Variants in IGFL2 observed in about 807,000 individuals in gnomAD.
IGFL2 encodes the protein insulin growth factor-like family member 2.
In IGFL2, 7 loss-of-function variants were observed where a neutral mutation model predicts 13.9. The observed-to-expected ratio is 0.51, with a 90% CI of 0.29 to 0.95. IGFL2 has a LOEUF of 0.95. Ranked by LOEUF, IGFL2 falls within the 40% of genes least tolerant of loss-of-function variation. The pLI is 0.08. For missense variants in IGFL2, 138 were observed against 147.8 expected (o/e 0.93, Z 0.34); for synonymous variants, 55 against 55.8 (o/e 0.99, Z 0.07).
chr19:46,117,317 T>C, the IGFL2 span, among the ~76,000 whole-genome samples: 1 of 152,158 alleles, frequency 6.6e-6, no homozygotes, highest in African/African-American at 2.4e-5. Flanking sequence ...ACTCCTGGCC[T>C]CAAGTGATCA....
At chr19:46,117,574 G>T in the IGFL2 span, among the ~76,000 whole-genome samples, 8 of 152,092 alleles carry the variant, frequency 5.3e-5, no homozygotes, top group African/African-American at 1.9e-4. Context: ...AAACTCCTGG[G>T]CCCAAGGGAT....
the IGFL2 span, among the ~76,000 whole-genome samples, chr19:46,125,750 C>G: frequency 6.6e-6 from 1 of 152,158 alleles, no homozygotes; most frequent in South Asian, 2.1e-4. Context: ...TCCCCTACCC[C>G]GGAACCTAAG....
chr19:46,177,962 C>A, the IGFL2 span, among the ~76,000 whole-genome samples: 5 of 152,222 alleles, frequency 3.3e-5, no homozygotes, highest in South Asian at 1.0e-3. Context: ...AGTTTAGGCA[C>A]AACTGGCCAT....
chr19:46,166,478 G>A, the IGFL2 span, among the ~76,000 whole-genome samples: 1 of 152,196 alleles, frequency 6.6e-6, no homozygotes, highest in Non-Finnish European at 1.5e-5. Context: ...CAGGACTGAG[G>A]CGAAATTAAA....
upstream of IGFL2, among the ~76,000 whole-genome samples, chr19:46,140,289 A>T (rs1374776507): frequency 6.6e-6 from 1 of 151,944 alleles, no homozygotes; most frequent in African/African-American, 2.4e-5. Flanking sequence ...TAGAACTTAC[A>T]TGTTTTTCAA....
chr19:46,128,907 T>G, the IGFL2 span, among the ~76,000 whole-genome samples: 8 of 152,310 alleles, frequency 5.3e-5, no homozygotes, highest in South Asian at 1.7e-3. Context: ...TGGAATACTT[T>G]CAGTAGGAAT....
rs894642057 is a variant in IGFL2, at chr19:46,160,418, C to T, written c.23C>T (p.Pro8Leu). The change falls in exon 2 of 4, where the codon CCT (proline) becomes CTT (leucine). Residue 8 changes from proline (P) to leucine (L), a missense_variant. Pro to Leu is a moderately conservative substitution (Grantham distance 98, BLOSUM62 -3). Coordinates refer to ENST00000377693, the MANE Select transcript of IGFL2 (RefSeq NM_001135113.2). ...ACCTCCTTTCTTTCTCTCCCAGCTCCTGCTTATGTGTCAGTCTGTCTCCTC... is the reference window on the plus strand; with the variant it reads ...ACCTCCTTTCTTTCTCTCCCAGCTCTTGCTTATGTGTCAGTCTGTCTCCTC... MVPRIFAPAYVSVCLLLL... is the reference protein window; with the variant it reads MVPRIFALAYVSVCLLLL... The T allele has an allele frequency of 2.5e-6, 4 of 1,613,250 alleles. No individual in the cohort carries two copies. Among genetic ancestry groups the T allele is most frequent in the Non-Finnish European group, 3.4e-6 (4 of 1,179,518 alleles).
the IGFL2 span, among the ~76,000 whole-genome samples, chr19:46,176,044 G>A: frequency 1.6e-5 from 2 of 124,038 alleles, no homozygotes; most frequent in Admixed American, 9.1e-5. Context: ...GAGTGGAGAC[G>A]GGGTTTCACC....
the IGFL2 span, chr19:46,190,393 G>A: frequency 6.6e-6 from 1 of 152,200 alleles, no homozygotes; most frequent in Non-Finnish European, 1.5e-5. Context: ...TGGCCAGAGG[G>A]TGTTCACATT....
chr19:46,149,796 T>C (rs1973373670), intron 1 of IGFL2, among the ~76,000 whole-genome samples: 1 of 152,260 alleles, frequency 6.6e-6, no homozygotes, highest in African/African-American at 2.4e-5. Context: ...ACACTTGGGC[T>C]GTTTCCACCA....
the IGFL2 span, among the ~76,000 whole-genome samples, chr19:46,194,034 T>C: frequency 6.6e-6 from 1 of 152,142 alleles, no homozygotes; most frequent in Non-Finnish European, 1.5e-5. Context: ...TTGGTCAGAT[T>C]CCAGTCTTCC....
At chr19:46,187,485 A>T in the IGFL2 span, among the ~76,000 whole-genome samples, 7 of 125,112 alleles carry the variant, frequency 5.6e-5, no homozygotes, top group South Asian at 2.6e-4. Context: ...AACCCGTTTA[A>T]ACCTGAGGTT....
chr19:46,095,619 G>A, the IGFL2 span, among the ~76,000 whole-genome samples: 1 of 152,148 alleles, frequency 6.6e-6, no homozygotes, highest in Admixed American at 6.5e-5. Flanking sequence ...GTCCTGAATG[G>A]TGTTGCCTAG....
upstream of IGFL2, among the ~76,000 whole-genome samples, chr19:46,139,026 G>T (rs11669889): frequency 0.42 from 64,027 of 151,816 alleles, 15,696 homozygotes; most frequent in Non-Finnish European, 0.57. Flanking sequence ...GTCCATGGGG[G>T]CTGTGGGACC....
chr19:46,183,742 G>A, the IGFL2 span, among the ~76,000 whole-genome samples: 2 of 151,962 alleles, frequency 1.3e-5, no homozygotes, highest in Non-Finnish European at 2.9e-5. Context: ...CATGATGTTG[G>A]CCAGGCTGGT....
At chr19:46,150,169 A>G (rs1266984552) in intron 1 of IGFL2, among the ~76,000 whole-genome samples, 2 of 152,146 alleles carry the variant, frequency 1.3e-5, no homozygotes, top group African/African-American at 4.8e-5. Flanking sequence ...GGCCATTTGT[A>G]TTCCTTTTTG....
the IGFL2 span, among the ~76,000 whole-genome samples, chr19:46,199,711 C>T: frequency 5.6e-4 from 85 of 152,198 alleles, no homozygotes; most frequent in African/African-American, 1.9e-3. Context: ...CTGCTTTCTC[C>T]CACCAGCGTC....
intron 1 of IGFL2, among the ~76,000 whole-genome samples, chr19:46,155,994 A>G (rs995168549): frequency 6.6e-6 from 1 of 152,172 alleles, no homozygotes; most frequent in African/African-American, 2.4e-5. Flanking sequence ...TAAAAAAAAT[A>G]TGTATAGAGT....
At chr19:46,182,912 T>G in the IGFL2 span, among the ~76,000 whole-genome samples, 2 of 152,054 alleles carry the variant, frequency 1.3e-5, no homozygotes, top group Non-Finnish European at 2.9e-5. Context: ...TAGTCTCTCC[T>G]CACCTCACCC....
Sources: allele counts gnomAD v4.1 joint callset (sites outside exome capture counted in the v4.1 genomes callset), GRCh38; gene constraint gnomAD v4.1.1; transcripts MANE v1.5; gene names NCBI Gene and HGNC (gene_info 2026-07-23, HGNC 2026-07-21).